BRINP1: variants seen among roughly 807,000 people sequenced by gnomAD.
BRINP1 encodes the protein BMP/retinoic acid-inducible neural-specific protein 1.
A neutral mutation model predicts 72.9 loss-of-function variants in BRINP1; 17 were observed. The observed-to-expected ratio is 0.23, with a 90% CI of 0.16 to 0.35. The LOEUF (loss-of-function observed/expected upper bound fraction) is 0.35. Among genes scored for constraint, BRINP1 ranks in the 10% least tolerant of loss-of-function variants. The pLI, the probability that BRINP1 is intolerant of heterozygous loss-of-function variation, is 1.00. For missense variants in BRINP1, 850 were observed against 1,001.6 expected, an observed-to-expected ratio of 0.85 and a Z score of 2.04; for synonymous variants, 418 against 378.5, an observed-to-expected ratio of 1.10 and a Z score of -1.21.
chr9:119,348,097 T>TA (rs979374461), intron 1 of BRINP1, among the ~76,000 whole-genome samples: 11 of 152,280 alleles, frequency 7.2e-5, no homozygotes, highest in East Asian at 3.9e-4. Context: ...TACACCACCC[T>TA]AAAAATCCTC....
chr9:119,324,129 A>G (rs1013672675), intron 1 of BRINP1, among the ~76,000 whole-genome samples: 17 of 152,214 alleles, frequency 1.1e-4, no homozygotes, highest in African/African-American at 3.9e-4. Context: ...AGATTTCATG[A>G]ATTAAAACAC....
At chr9:119,199,012 G>A (rs576056302) in intron 7 of BRINP1, among the ~76,000 whole-genome samples, 4 of 152,206 alleles carry the variant, frequency 2.6e-5, no homozygotes, top group African/African-American at 9.6e-5. Context: ...TTCTTTACAA[G>A]TTATGAAGAA....
At chr9:119,262,382 C>T (rs781471516) in intron 2 of BRINP1, among the ~76,000 whole-genome samples, 15 of 151,990 alleles carry the variant, frequency 9.9e-5, no homozygotes, top group Non-Finnish European at 2.2e-4. Flanking sequence ...ACCTGTAATC[C>T]CAGCACTTTG....
chr9:119,167,019 T>C lies in BRINP1; in HGVS notation c.*65A>G. 1 of 1,470,392 alleles carries C rather than the reference T, an allele frequency of 6.8e-7. No homozygotes were observed. 91.1% of individuals were successfully genotyped at this position (1,470,392 alleles called of 1,614,324 possible). On this transcript the variant is annotated 3_prime_UTR_variant, in exon 8 of 8. Coordinates refer to ENST00000265922, the MANE Select transcript of BRINP1 (RefSeq NM_014618.3). This position sits in a 1 kb window ranked among gnomAD's most constrained non-coding sequence, Gnocchi z 4.3. ...TTTTTGTGGGTTTTTTTGTTTTGTT[T>C]TGCTTCATTTTGTTCTGTTGTGTGT...
Position 119,213,891 on chromosome 9 carries a change from T to G in BRINP1, c.922+28A>C, listed in dbSNP as rs745499837. ...TTCAGACTTGGCTCAAGGCCACTCA[T>G]GCAGTGGCACTGAGTGAGACTCTCT... On this transcript the variant is annotated intron_variant, in intron 6 of 7. Coordinates refer to ENST00000265922, the MANE Select transcript of BRINP1 (RefSeq NM_014618.3). The G allele has an allele frequency of 1.2e-5, 19 of 1,566,456 alleles. No individual in the cohort carries two copies. The East Asian group carries it at 3.8e-4, about 31-fold the overall frequency.
intron 7 of BRINP1, among the ~76,000 whole-genome samples, chr9:119,182,885 A>G (rs1420710462): frequency 1.3e-5 from 2 of 152,266 alleles, no homozygotes; most frequent in African/African-American, 4.8e-5. Context: ...CAAAAAGCAT[A>G]TTCAAAAAGT....
intron 7 of BRINP1, among the ~76,000 whole-genome samples, chr9:119,189,024 A>T (rs1040802777): frequency 6.6e-6 from 1 of 152,198 alleles, no homozygotes; most frequent in Non-Finnish European, 1.5e-5. Context: ...AAAACATATA[A>T]ATTGTGGCAA....
chr9:119,216,449 A>T, intron 5 of BRINP1, among the ~76,000 whole-genome samples: 1 of 152,236 alleles, frequency 6.6e-6, no homozygotes, highest in East Asian at 1.9e-4. Flanking sequence ...GGCATAACAC[A>T]CATACCAAAA....
chr9:119,226,595 T>C (rs1310097637), intron 5 of BRINP1, among the ~76,000 whole-genome samples: 1 of 152,028 alleles, frequency 6.6e-6, no homozygotes, highest in African/African-American at 2.4e-5. Flanking sequence ...CAGGTTTCTG[T>C]AGGTCAGAAG....
At chr9:119,240,485 A>G (rs1830235720) in intron 4 of BRINP1, among the ~76,000 whole-genome samples, 1 of 152,156 alleles carries the variant, frequency 6.6e-6, no homozygotes, top group African/African-American at 2.4e-5. Context: ...AGGATACACG[A>G]AGGAGGATTA....
rs1199252601 is a variant in BRINP1 at position 119,338,241 on chromosome 9, TGTTTC to T, written c.-50-24841_-50-24837del. The stretch of plus-strand genomic sequence containing the variant: ...ATTATGAGGTTTTTGTTTTTGTTTT[TGTTTC>T]TTTTTTTTTTTGCCTCTGCAATTAG... On this transcript the variant is annotated intron_variant, in intron 1 of 7. Transcript: ENST00000265922. Among the ~76,000 whole-genome samples, 9 of 28,902 alleles carry T rather than the reference TGTTTC, an allele frequency of 3.1e-4. No individual in the cohort carries two copies. The South Asian group carries it at 0.01, about 32-fold the overall frequency. 19.0% of individuals were successfully genotyped at this position (28,902 alleles called of 152,430 possible).
intron 7 of BRINP1, among the ~76,000 whole-genome samples, chr9:119,206,235 G>A (rs1165199744): frequency 6.6e-6 from 1 of 151,824 alleles, no homozygotes; most frequent in East Asian, 1.9e-4. Flanking sequence ...GGCCCATACG[G>A]CAAAACTCCG....
chr9:119,174,770 T>C (rs1352521858), intron 7 of BRINP1, among the ~76,000 whole-genome samples: 1 of 151,148 alleles, frequency 6.6e-6, no homozygotes, highest in Non-Finnish European at 1.5e-5. Flanking sequence ...ATATACACCA[T>C]GGAATACTAT....
At chr9:119,337,901 G>C (rs1353115750) in intron 1 of BRINP1, among the ~76,000 whole-genome samples, 1 of 152,198 alleles carries the variant, frequency 6.6e-6, no homozygotes, top group Non-Finnish European at 1.5e-5. Flanking sequence ...ACTTAGCAGA[G>C]TACTACAGTC....
intron 5 of BRINP1, among the ~76,000 whole-genome samples, chr9:119,228,720 GAT>G (rs1178982972): frequency 2.6e-5 from 4 of 152,058 alleles, no homozygotes; most frequent in Non-Finnish European, 5.9e-5. Flanking sequence ...TTGGAGGAAA[GAT>G]AATCTGCGTG....
intron 1 of BRINP1, among the ~76,000 whole-genome samples, chr9:119,348,399 T>A (rs1448339354): frequency 6.6e-6 from 1 of 152,218 alleles, no homozygotes. Flanking sequence ...TTGGCAATTA[T>A]GAATAAAGCT....
chr9:119,247,587 G>A (rs573619048), intron 3 of BRINP1, among the ~76,000 whole-genome samples: 135 of 149,672 alleles, frequency 9.0e-4, no homozygotes, highest in African/African-American at 3.0e-3. Context: ...CCCGGGAGGC[G>A]GAGCTTGCAG....
intron 1 of BRINP1, among the ~76,000 whole-genome samples, chr9:119,325,957 G>T (rs939164267): frequency 1.3e-5 from 2 of 152,078 alleles, no homozygotes; most frequent in Non-Finnish European, 2.9e-5. Flanking sequence ...TCCTTGCAAT[G>T]CCCATCCCTG....
At chr9:119,231,786 A>T (rs1295380507) in intron 5 of BRINP1, among the ~76,000 whole-genome samples, 1 of 152,024 alleles carries the variant, frequency 6.6e-6, no homozygotes, top group African/African-American at 2.4e-5. Context: ...GCCACTCTCC[A>T]GCTTCCTTTT....
Sources: allele counts gnomAD v4.1 joint callset (sites outside exome capture counted in the v4.1 genomes callset), GRCh38; gene constraint gnomAD v4.1.1; non-coding constraint Gnocchi (gnomAD v3.1); transcripts MANE v1.5; gene names NCBI Gene and HGNC (gene_info 2026-07-23, HGNC 2026-07-21).